Variants in FOXP1 observed in about 807,000 individuals in gnomAD.
FOXP1 encodes the protein forkhead box protein P1.
A neutral mutation model predicts 98.2 loss-of-function variants in FOXP1; 15 were observed. That is an observed-to-expected ratio of 0.15 (90% CI 0.10 to 0.24). The LOEUF is 0.24. Ranked by LOEUF, FOXP1 falls within the 10% of genes least tolerant of loss-of-function variation. The pLI is 1.00. For synonymous variants in FOXP1, 371 were observed against 314.5 expected (o/e 1.18, Z -1.90); for missense variants, 633 against 848.5 (o/e 0.75, Z 3.15).
At position 71,337,102 on chromosome 3, in the gene FOXP1, A is replaced by C. The variant is rs556018335; in HGVS notation, c.-73+22048T>G. Among the ~76,000 whole-genome samples the C allele has an allele frequency of 1.3e-4, 20 of 152,378 alleles. No individual in the cohort carries two copies. In the East Asian group the frequency reaches 2.5e-3, roughly 19 times the overall value. On this transcript the variant is annotated intron_variant, in intron 4 of 20. Transcript: ENST00000649528. Reference sequence around the variant, plus strand: ...TAAGGATGCACATGTAGGTGATCAAATAATTAACAAATGGAAATGATTATG... The same window carrying C: ...TAAGGATGCACATGTAGGTGATCAACTAATTAACAAATGGAAATGATTATG...
intron 14 of FOXP1, among the ~76,000 whole-genome samples, chr3:70,987,065 A>G (rs2039868517): frequency 6.6e-6 from 1 of 152,260 alleles, no homozygotes; most frequent in Non-Finnish European, 1.5e-5. Flanking sequence ...TACTAACTAT[A>G]GATTGTCAAC....
At chr3:71,130,859 T>C in intron 6 of FOXP1, 2 of 1,427,314 alleles carry the variant, frequency 1.4e-6, no homozygotes, top group Non-Finnish European at 1.8e-6. Context: ...AAGAAATCTA[T>C]TAATGCCACA....
chr3:71,047,867 G>T (rs1371369089), intron 9 of FOXP1, among the ~76,000 whole-genome samples: 1 of 152,118 alleles, frequency 6.6e-6, no homozygotes, highest in Non-Finnish European at 1.5e-5. Flanking sequence ...TCTTTTTGTT[G>T]ATTGGACAAT....
chr3:71,249,224 T>C (rs2067998324), intron 5 of FOXP1, among the ~76,000 whole-genome samples: 1 of 152,234 alleles, frequency 6.6e-6, no homozygotes, highest in Non-Finnish European at 1.5e-5. Flanking sequence ...GCCTGGCATT[T>C]AGCCCTGGCT....
intron 6 of FOXP1, among the ~76,000 whole-genome samples, chr3:71,190,465 A>C (rs1391076179): frequency 7.9e-6 from 1 of 126,010 alleles, no homozygotes; most frequent in Non-Finnish European, 1.5e-5. Flanking sequence ...ACAAAAAGAA[A>C]AACAACAACA....
chr3:71,404,120 C>CTTTTTCTTTTTTTTT (rs2082135901), intron 3 of FOXP1, among the ~76,000 whole-genome samples: 2 of 62,704 alleles, frequency 3.2e-5, no homozygotes, highest in Admixed American at 2.6e-4. Flanking sequence ...TTTTCTTTTT[C>CTTTTTCTTTTTTTTT]TTTTTTTTTT....
intron 2 of FOXP1, among the ~76,000 whole-genome samples, chr3:71,515,131 T>A (rs895855609): frequency 2.0e-5 from 3 of 152,174 alleles, no homozygotes; most frequent in African/African-American, 7.2e-5. Context: ...TTCTCTTCGT[T>A]ACAAACTGGC....
intron 5 of FOXP1, among the ~76,000 whole-genome samples, chr3:71,222,669 T>C (rs2065490607): frequency 6.6e-6 from 1 of 152,210 alleles, no homozygotes; most frequent in Non-Finnish European, 1.5e-5. Flanking sequence ...TCTGCCTGCC[T>C]TGGCCTCCCA....
At chr3:71,280,136 A>G (rs1262825381) in intron 5 of FOXP1, among the ~76,000 whole-genome samples, 1 of 81,506 alleles carries the variant, frequency 1.2e-5, no homozygotes, top group Admixed American at 1.1e-4. Context: ...CAAAAAAAAA[A>G]AAAAAAAAAA....
intron 5 of FOXP1, among the ~76,000 whole-genome samples, chr3:71,221,719 T>C (rs1407102197): frequency 6.6e-6 from 1 of 152,210 alleles, no homozygotes; most frequent in Non-Finnish European, 1.5e-5. Flanking sequence ...CTAGTTCCCA[T>C]CCTGCAACCT....
intron 5 of FOXP1, among the ~76,000 whole-genome samples, chr3:71,209,510 T>C (rs910399310): frequency 2.0e-5 from 3 of 152,222 alleles, no homozygotes; most frequent in African/African-American, 7.2e-5. Context: ...TATATCAGTT[T>C]ATGATGTTTT....
chr3:71,067,989 T>TA (rs3058699), intron 7 of FOXP1, among the ~76,000 whole-genome samples: 5,113 of 134,702 alleles, frequency 0.038, 296 homozygotes, highest in African/African-American at 0.12. Flanking sequence ...TGGATAATTA[T>TA]AAAAAAAAAA....
chr3:70,981,587 T>C (rs1175900348), intron 14 of FOXP1, among the ~76,000 whole-genome samples: 1 of 152,206 alleles, frequency 6.6e-6, no homozygotes, highest in East Asian at 1.9e-4. Context: ...AAACAGTAAT[T>C]TTATTTCGAG....
At chr3:71,463,210 A>G (rs1184728233) in intron 3 of FOXP1, among the ~76,000 whole-genome samples, 1 of 152,062 alleles carries the variant, frequency 6.6e-6, no homozygotes, top group Non-Finnish European at 1.5e-5. Flanking sequence ...TAAAAATACA[A>G]AAAGTTAGCT....
rs78533427 is a variant in FOXP1 at position 70,964,018 on chromosome 3, T to C, written c.1889+1872A>G. Among the ~76,000 whole-genome samples the C allele has an allele frequency of 9.8e-3, 1,491 of 152,296 alleles. 22 individuals carry two copies. Among genetic ancestry groups the C allele is most frequent in the African/African-American group, 0.034 (1,413 of 41,570 alleles). ...ATTTGCATCATAGCAGGGTAATGCA[T>C]ATTGGACAAGAATGGAAACTCTTGT... On this transcript the variant is annotated intron_variant, in intron 20 of 20. Transcript: ENST00000649528.
intron 3 of FOXP1, among the ~76,000 whole-genome samples, chr3:71,402,973 G>A (rs1029171631): frequency 6.6e-6 from 1 of 152,182 alleles, no homozygotes; most frequent in Non-Finnish European, 1.5e-5. Context: ...AAGATGGTTT[G>A]AAAAATCCCT....
intron 3 of FOXP1, among the ~76,000 whole-genome samples, chr3:71,372,102 T>G (rs2079371798): frequency 6.6e-6 from 1 of 151,344 alleles, no homozygotes; most frequent in African/African-American, 2.4e-5. Context: ...AACCTCGGCC[T>G]CCAGGGTTCA....
intron 3 of FOXP1, among the ~76,000 whole-genome samples, chr3:71,387,279 T>A (rs1208338382): frequency 6.6e-6 from 1 of 152,256 alleles, no homozygotes; most frequent in Admixed American, 6.5e-5. Flanking sequence ...GCTGGTCTCG[T>A]GCACACAATG....
intron 3 of FOXP1, among the ~76,000 whole-genome samples, chr3:71,423,554 T>G (rs990911460): frequency 1.3e-5 from 2 of 152,228 alleles, no homozygotes; most frequent in Non-Finnish European, 2.9e-5. Flanking sequence ...ATCCCCCTGC[T>G]GGCTGGCATG....
Sources: gnomAD v4.1 joint callset for allele counts (sites outside exome capture counted in the v4.1 genomes callset) on GRCh38, gnomAD v4.1.1 for gene constraint, MANE v1.5 for transcripts, NCBI Gene and HGNC (gene_info 2026-07-23, HGNC 2026-07-21) for gene names.